Variants in CENPN observed in about 807,000 individuals in gnomAD.
CENPN encodes the protein interphase centromere complex protein 32.
Under a neutral mutation model 48.6 loss-of-function variants are expected in CENPN, and 36 were observed. The ratio of observed to expected loss-of-function variants is 0.74; its 90% confidence interval spans 0.57 to 0.98. The LOEUF is 0.98. Among genes scored for constraint, CENPN ranks in the 50% least tolerant of loss-of-function variants. The pLI is 0.00. For synonymous variants in CENPN, 166 were observed against 135.2 expected (o/e 1.23, Z -1.58); for missense variants, 439 against 399.2 (o/e 1.10, Z -0.85).
rs768338593 is a variant in CENPN, at chr16:81,012,071, A to G, written c.132A>G (p.Arg44=). ...TGCAGACTGTAAATTTCCGACAGAGAAAGGAATCTGTAGTTCAGCACTTGA... is the reference window on the plus strand; with the variant it reads ...TGCAGACTGTAAATTTCCGACAGAGGAAGGAATCTGTAGTTCAGCACTTGA... ...NQLQTVNFRQ[R]KESVVQHLIH... is the part of the protein sequence containing the mutation. Residue 44 remains arginine (R), a synonymous_variant, in exon 2 of 11, where the codon AGA becomes AGG. Coordinates refer to ENST00000305850, the MANE Select transcript of CENPN (RefSeq NM_001100624.3). 5.0e-6 allele frequency: 8 copies of G among 1,614,154 alleles called. No homozygotes were observed. The African/African-American group carries it at 8.0e-5, about 16-fold the overall frequency.
Position 81,012,032 on chromosome 16 carries a change from G to C in CENPN, c.93G>C (p.Leu31Phe). The change falls in exon 2 of 11, where the codon TTG (leucine) becomes TTC (phenylalanine). Residue 31 changes from leucine to phenylalanine, a missense_variant. Coordinates refer to ENST00000305850, the MANE Select transcript of CENPN (RefSeq NM_001100624.3). ...LTTILKAWDF[L>F]SENQLQTVNF... Reference sequence around the variant, plus strand: ...CAATCCTGAAGGCCTGGGATTTTTTGTCTGAAAATCAACTGCAGACTGTAA... The same window carrying C: ...CAATCCTGAAGGCCTGGGATTTTTTCTCTGAAAATCAACTGCAGACTGTAA... 1 of 1,614,108 alleles carries C rather than the reference G, an allele frequency of 6.2e-7. No individual in the cohort carries two copies. Among genetic ancestry groups the C allele is most frequent in the Non-Finnish European group, 8.5e-7 (1 of 1,179,994 alleles).
chr16:81,028,074 C>A, intron 9 of CENPN, 97 bp from the exon 10 acceptor site: 1 of 1,041,936 alleles, frequency 9.6e-7, no homozygotes, highest in South Asian at 1.5e-5. Flanking sequence ...TTCTTAATGG[C>A]AAGAATTAAT....
At chr16:81,007,731 T>C (rs767836137) in intron 1 of CENPN, among the ~76,000 whole-genome samples, 2 of 152,166 alleles carry the variant, frequency 1.3e-5, no homozygotes, top group East Asian at 1.9e-4. Context: ...TTACTTAAAA[T>C]GGATCTTTTT....
Position 81,022,767 on chromosome 16 carries a change from A to C in CENPN, c.633+69A>C. ...CTCTTTGACACAGGAGTTAGAAGCT[A>C]CTGGGAAAATCTACCTCCGACAAGA... is the stretch of plus-strand genomic sequence containing the variant. On this transcript the variant is annotated intron_variant, in intron 7 of 10. Coordinates refer to ENST00000305850, the MANE Select transcript of CENPN (RefSeq NM_001100624.3). The C allele has an allele frequency of 2.5e-6, 4 of 1,614,114 alleles. 1 individual carries two copies. Among genetic ancestry groups the C allele is most frequent in the Non-Finnish European group, 3.4e-6 (4 of 1,179,974 alleles).
intron 6 of CENPN, among the ~76,000 whole-genome samples, chr16:81,020,698 A>G (rs978601813): frequency 3.9e-5 from 6 of 152,208 alleles, no homozygotes; most frequent in Non-Finnish European, 8.8e-5. Flanking sequence ...CTCTAAAGAT[A>G]AAAAGTCTTC....
At chr16:81,008,367 TTTTG>T (rs777410217) in intron 1 of CENPN, among the ~76,000 whole-genome samples, 43 of 152,120 alleles carry the variant, frequency 2.8e-4, no homozygotes, top group Non-Finnish European at 4.9e-4. Flanking sequence ...CTGTGGGTTT[TTTTG>T]TTTGTTTTTT....
intron 5 of CENPN, among the ~76,000 whole-genome samples, chr16:81,018,199 C>G (rs890347025): frequency 6.6e-6 from 1 of 151,120 alleles, no homozygotes. Context: ...TTCCTTGAGA[C>G]AGAGTCTTAC....
In CENPN at chr16:81,030,819, G is replaced by C. The variant is rs1970739409; in HGVS notation, c.*2168G>C. 1 of 152,146 alleles carries C rather than the reference G, an allele frequency of 6.6e-6. No homozygotes were observed. The highest frequency in any genetic ancestry group is 1.5e-5 in the Non-Finnish European group (1 of 68,096). The allele number at this position is 152,146 out of a possible 1,614,324, so 9.4% of individuals were successfully genotyped here. On this transcript the variant is annotated 3_prime_UTR_variant, in exon 11 of 11. Transcript: ENST00000305850. ...CCAGCACTTTCAGAGGCCAAGGCAGGTGGGTCACAAGGTCAAGAGTTTGAG... is the reference window on the plus strand; with the variant it reads ...CCAGCACTTTCAGAGGCCAAGGCAGCTGGGTCACAAGGTCAAGAGTTTGAG...
At chr16:81,018,322 C>T (rs1206453614) in intron 5 of CENPN, among the ~76,000 whole-genome samples, 1 of 151,972 alleles carries the variant, frequency 6.6e-6, no homozygotes, top group Non-Finnish European at 1.5e-5. Flanking sequence ...TACAAGCACG[C>T]ACCACCATGC....
intron 5 of CENPN, among the ~76,000 whole-genome samples, chr16:81,018,453 T>A (rs1398539376): frequency 6.6e-6 from 1 of 152,110 alleles, no homozygotes; most frequent in African/African-American, 2.4e-5. Context: ...GGATTACAGG[T>A]GTGAGCCACC....
chr16:81,032,631 G>A (rs775296886), downstream of CENPN: 14 of 1,613,716 alleles, frequency 8.7e-6, no homozygotes, highest in Non-Finnish European at 1.2e-5. Flanking sequence ...AAGGGACCCA[G>A]GACCCGAGCA....
rs1226896261 is a variant in CENPN at position 81,022,808 on chromosome 16, T to A, written c.633+110T>A. Reference sequence around the variant, plus strand: ...TCCGACAAGAGGAGATCATTTTAGATATTACCGAAATGAAGAAAGCTTGCA... The same window carrying A: ...TCCGACAAGAGGAGATCATTTTAGAAATTACCGAAATGAAGAAAGCTTGCA... On this transcript the variant is annotated intron_variant, in intron 7 of 10. Coordinates refer to ENST00000305850, the MANE Select transcript of CENPN (RefSeq NM_001100624.3). 2 of 1,613,464 alleles carry A rather than the reference T, an allele frequency of 1.2e-6. 1 individual carries two copies. Among genetic ancestry groups the A allele is most frequent in the South Asian group, 2.2e-5 (2 of 91,060 alleles).
At chr16:81,010,497 A>G (rs887493567) in intron 1 of CENPN, among the ~76,000 whole-genome samples, 1 of 152,204 alleles carries the variant, frequency 6.6e-6, no homozygotes, top group Non-Finnish European at 1.5e-5. Context: ...ACCCTCAGGC[A>G]TGGGCAGGAG....
chr16:81,028,381 G>A, intron 10 of CENPN, 84 bp downstream of exon 10: 8 of 1,542,284 alleles, frequency 5.2e-6, no homozygotes, highest in Non-Finnish European at 7.1e-6. Context: ...TTACTTCTGA[G>A]CTCACCCATC....
chr16:81,020,031 C>A, intron 5 of CENPN, 69 bp from the exon 6 acceptor site: 1 of 1,420,482 alleles, frequency 7.0e-7, no homozygotes, highest in Non-Finnish European at 9.6e-7. Context: ...CCCTAATAAG[C>A]ACCTGGAGTT....
chr16:81,029,806 C>G lies in CENPN; in HGVS notation c.*1155C>G, dbSNP rs1970684932. On this transcript the variant is annotated 3_prime_UTR_variant, in exon 11 of 11. Coordinates refer to ENST00000305850, the MANE Select transcript of CENPN (RefSeq NM_001100624.3). ...CCCAGGCTGATCTCAAACTCCTGGG[C>G]TCAAGCAATCTGCCCATTTTAGCCT... 6.6e-6 allele frequency among the ~76,000 whole-genome samples: 1 copy of G among 152,148 alleles called. No individual in the cohort carries two copies.
At chr16:81,023,104 A>G (rs1970292092) in intron 7 of CENPN, 3 of 385,508 alleles carry the variant, frequency 7.8e-6, no homozygotes, top group African/African-American at 6.2e-5. Flanking sequence ...TTAAAGGGAA[A>G]AGCAGTGGTT....
At chr16:81,020,011 C>A in intron 5 of CENPN, 89 bp from the exon 6 acceptor site, 1 of 1,140,776 alleles carries the variant, frequency 8.8e-7, no homozygotes, top group Non-Finnish European at 1.2e-6. Flanking sequence ...ATAGGGACAT[C>A]ATTGTTCACC....
Position 81,026,693 on chromosome 16 carries a change from C to A in CENPN, c.810+55C>A, listed in dbSNP as rs561293889. ...AGATATCAACATTGTTTAAAAAGAACAAAAACCTTAAGTGGAAAACAGATC... is the reference window on the plus strand; with the variant it reads ...AGATATCAACATTGTTTAAAAAGAAAAAAAACCTTAAGTGGAAAACAGATC... On this transcript the variant is annotated intron_variant, in intron 9 of 10. Coordinates refer to ENST00000305850, the MANE Select transcript of CENPN (RefSeq NM_001100624.3). 2.6e-5 allele frequency: 22 copies of A among 846,328 alleles called. No individual in the cohort carries two copies. The African/African-American group carries it at 3.8e-4, about 15-fold the overall frequency. 52.4% of individuals were successfully genotyped at this position (846,328 alleles called of 1,614,324 possible).
Sources: gnomAD v4.1 joint callset for allele counts (sites outside exome capture counted in the v4.1 genomes callset) on GRCh38, gnomAD v4.1.1 for gene constraint, MANE v1.5 for transcripts, NCBI Gene and HGNC (gene_info 2026-07-23, HGNC 2026-07-21) for gene names.